The following FOXP2 variants were observed in gnomAD, a reference collection of about 807,000 sequenced individuals.
FOXP2 encodes forkhead box protein P2.
In FOXP2, 12 loss-of-function variants were observed where a neutral mutation model predicts 115.8. The ratio of observed to expected loss-of-function variants is 0.10; its 90% CI spans 0.07 to 0.17. The LOEUF (loss-of-function observed/expected upper bound fraction) is 0.17. Among genes scored for constraint, FOXP2 ranks in the 10% least tolerant of loss-of-function variants. FOXP2 has a pLI of 1.00. For synonymous variants in FOXP2, 328 were observed against 297.7 expected, an observed-to-expected ratio of 1.10 and a Z score of -1.05; for missense variants, 629 against 843.5, an observed-to-expected ratio of 0.75 and a Z score of 3.15.
At chr7:114,655,811 C>T (rs2129339448) in intron 10 of FOXP2, among the ~76,000 whole-genome samples, 1 of 152,088 alleles carries the variant, frequency 6.6e-6, no homozygotes, top group Admixed American at 6.6e-5. Flanking sequence ...AAGGTGCAAC[C>T]GCACTGTCTA....
chr7:114,687,850 G>C (rs901033201), intron 16 of FOXP2, among the ~76,000 whole-genome samples: 2 of 151,972 alleles, frequency 1.3e-5, no homozygotes, highest in Non-Finnish European at 2.9e-5. Context: ...TATTTACTAT[G>C]TAATGAGTTC....
chr7:114,693,482 T>A lies in FOXP2; in HGVS notation c.*3556T>A, dbSNP rs1808782282. ...GACTTCATCTTACACATGCCAGTAT[T>A]AACACACATTTGGACAATAGCTTTA... On this transcript the variant is annotated 3_prime_UTR_variant, in exon 17 of 17. Transcript: ENST00000350908. The A allele has an allele frequency of 2.2e-6, 1 of 452,898 alleles. No homozygotes were observed. The highest frequency in any genetic ancestry group is 4.4e-6 in the Non-Finnish European group (1 of 226,260). The allele number at this position is 452,898 out of a possible 1,614,324, so 28.1% of individuals were successfully genotyped here.
chr7:114,227,167 T>A (rs1794765019), intron 1 of FOXP2, among the ~76,000 whole-genome samples: 1 of 152,134 alleles, frequency 6.6e-6, no homozygotes, highest in Non-Finnish European at 1.5e-5. Flanking sequence ...GGAATGTTAC[T>A]GTATTTATGG....
Position 114,253,041 on chromosome 7 carries a change from C to T in FOXP2, c.-101-34978C>T, listed in dbSNP as rs866268813. Among the ~76,000 whole-genome samples the T allele has an allele frequency of 2.0e-4, 30 of 152,268 alleles. 1 individual carries two copies. Among genetic ancestry groups the T allele is most frequent in the South Asian group, 6.2e-4 (3 of 4,828 alleles). ...AACATCATTATTTCTGCCTTCATTT[C>T]GTTATGTACCCAGTAGTCATTCAGG... On this transcript the variant is annotated intron_variant, in intron 1 of 17. Coordinates refer to the FOXP2 transcript ENST00000634411.
chr7:114,513,122 G>T (rs2129263261), intron 2 of FOXP2, among the ~76,000 whole-genome samples: 1 of 152,064 alleles, frequency 6.6e-6, no homozygotes, highest in East Asian at 1.9e-4. Context: ...CTATTACCTT[G>T]GTTAAATTAC....
chr7:114,676,267 G>A (rs1807759576), intron 16 of FOXP2, among the ~76,000 whole-genome samples: 2 of 151,778 alleles, frequency 1.3e-5, no homozygotes, highest in African/African-American at 2.4e-5. Context: ...TGTATTCCAC[G>A]TAAGTTAAAG....
chr7:114,375,663 T>C (rs1792121054), intron 2 of FOXP2, among the ~76,000 whole-genome samples: 1 of 152,200 alleles, frequency 6.6e-6, no homozygotes, highest in African/African-American at 2.4e-5. Flanking sequence ...CTAAGTCTTA[T>C]GTCTAGATGC....
chr7:114,240,226 G>A (rs370996126), intron 1 of FOXP2, among the ~76,000 whole-genome samples: 5 of 152,070 alleles, frequency 3.3e-5, no homozygotes, highest in Non-Finnish European at 7.4e-5. Flanking sequence ...TTGTTGGTTG[G>A]GGGGAGGAAA....
chr7:114,089,846 T>C (rs1364015964), intron 1 of FOXP2, among the ~76,000 whole-genome samples: 1 of 151,982 alleles, frequency 6.6e-6, no homozygotes. Context: ...TGCATAGATA[T>C]TAGAATTATA....
intron 2 of FOXP2, among the ~76,000 whole-genome samples, chr7:114,440,742 A>G (rs1334886156): frequency 1.3e-5 from 2 of 152,240 alleles, no homozygotes; most frequent in Non-Finnish European, 2.9e-5. Context: ...ACTTTGCCAT[A>G]TATCATCCAT....
chr7:114,280,407 A>G (rs1348803087), intron 1 of FOXP2, among the ~76,000 whole-genome samples: 1 of 152,054 alleles, frequency 6.6e-6, no homozygotes, highest in African/African-American at 2.4e-5. Flanking sequence ...CCCACAGGAT[A>G]TTGGAAATAC....
At chr7:114,233,868 C>A (rs1309160100) in intron 1 of FOXP2, among the ~76,000 whole-genome samples, 1 of 152,082 alleles carries the variant, frequency 6.6e-6, no homozygotes, top group East Asian at 1.9e-4. Flanking sequence ...CAAAAATTAA[C>A]CGTGAATGGT....
intron 2 of FOXP2, chr7:114,499,873 T>G (rs1243687476): frequency 6.6e-6 from 1 of 151,940 alleles, no homozygotes; most frequent in East Asian, 1.9e-4. Context: ...TGCCAGGAAA[T>G]AGAATTCAAA....
At chr7:114,285,268 A>AT (rs1796440530) in intron 1 of FOXP2, 1 of 152,174 alleles carries the variant, frequency 6.6e-6, no homozygotes, top group African/African-American at 2.4e-5. Flanking sequence ...GAATATAGGG[A>AT]TTATTAAAAT....
At chr7:114,553,040 C>T (rs1800287788) in intron 3 of FOXP2, among the ~76,000 whole-genome samples, 1 of 151,792 alleles carries the variant, frequency 6.6e-6, no homozygotes, top group Non-Finnish European at 1.5e-5. Context: ...TGTTTGAAGC[C>T]ATGTGTGGAA....
chr7:114,096,074 C>T (rs1799643048), intron 1 of FOXP2, among the ~76,000 whole-genome samples: 1 of 152,054 alleles, frequency 6.6e-6, no homozygotes, highest in African/African-American at 2.4e-5. Flanking sequence ...TTTCCCAGTC[C>T]CCATCACGTG....
intron 1 of FOXP2, among the ~76,000 whole-genome samples, chr7:114,183,121 T>G (rs1476661828): frequency 6.6e-6 from 1 of 152,110 alleles, no homozygotes; most frequent in African/African-American, 2.4e-5. Flanking sequence ...GGCTGTGTGT[T>G]TGCCAAGAAA....
intron 2 of FOXP2, among the ~76,000 whole-genome samples, chr7:114,484,111 C>A (rs1796672028): frequency 6.6e-6 from 1 of 151,762 alleles, no homozygotes; most frequent in South Asian, 2.1e-4. Flanking sequence ...CAGGGGGAAA[C>A]ACCCCCATTT....
intron 1 of FOXP2, among the ~76,000 whole-genome samples, chr7:114,253,554 A>G (rs533264534): frequency 6.6e-6 from 1 of 151,676 alleles, no homozygotes; most frequent in Non-Finnish European, 1.5e-5. Flanking sequence ...TAATGGCCTC[A>G]TTTGTCTCTT....
Sources: allele counts gnomAD v4.1 joint callset (sites outside exome capture counted in the v4.1 genomes callset), GRCh38; gene constraint gnomAD v4.1.1; transcripts MANE v1.5; gene names NCBI Gene and HGNC (gene_info 2026-07-23, HGNC 2026-07-21).